The following SHISA9 variants were observed in gnomAD, a reference collection of about 807,000 sequenced individuals.
The protein encoded by SHISA9 is protein shisa-9.
A neutral mutation model predicts 38.0 loss-of-function variants in SHISA9; 13 were observed. The ratio of observed to expected loss-of-function variants is 0.34; its 90% CI spans 0.22 to 0.54. The LOEUF (loss-of-function observed/expected upper bound fraction) is 0.54. SHISA9 is among the 20% of genes least tolerant of loss of function. The pLI is 0.91. For synonymous variants in SHISA9, 275 were observed against 242.0 expected, an observed-to-expected ratio of 1.14 and a Z score of -1.27; for missense variants, 538 against 575.8, an observed-to-expected ratio of 0.93 and a Z score of 0.67.
the SHISA9 span, among the ~76,000 whole-genome samples, chr16:13,434,050 A>G: frequency 2.0e-5 from 3 of 152,218 alleles, no homozygotes; most frequent in African/African-American, 4.8e-5. Context: ...AAACCTCAAA[A>G]GTAGGGAAGC....
the SHISA9 span, among the ~76,000 whole-genome samples, chr16:13,539,320 AGACAG>A: frequency 0.03 from 843 of 27,968 alleles, 78 homozygotes; most frequent in East Asian, 0.057. Flanking sequence ...ATATATATAA[AGACAG>A]GATCTTTATA....
At chr16:13,380,523 T>A in the SHISA9 span, among the ~76,000 whole-genome samples, 1 of 152,210 alleles carries the variant, frequency 6.6e-6, no homozygotes, top group Admixed American at 6.5e-5. Context: ...TCTATCCTCA[T>A]TCAAACTATC....
chr16:13,246,735 C>G, the SHISA9 span, among the ~76,000 whole-genome samples: 4 of 151,520 alleles, frequency 2.6e-5, no homozygotes, highest in Admixed American at 2.0e-4. Context: ...TAGGAATAAT[C>G]TTCTATTATT....
At chr16:13,363,703 T>G in the SHISA9 span, among the ~76,000 whole-genome samples, 1 of 152,208 alleles carries the variant, frequency 6.6e-6, no homozygotes, top group African/African-American at 2.4e-5. Flanking sequence ...CTTTTCTGTA[T>G]CATCTGTGCT....
At chr16:12,992,244 C>G (rs1195097365) in intron 2 of SHISA9, among the ~76,000 whole-genome samples, 1 of 151,590 alleles carries the variant, frequency 6.6e-6, no homozygotes, top group Non-Finnish European at 1.5e-5. Context: ...TGCCTCAGGG[C>G]TGGGTGTGAT....
intron 2 of SHISA9, among the ~76,000 whole-genome samples, chr16:13,147,791 G>T (rs1480470835): frequency 6.6e-6 from 1 of 152,150 alleles, no homozygotes; most frequent in African/African-American, 2.4e-5. Context: ...GGCTGTTTCT[G>T]CTCATGATAG....
chr16:12,972,158 A>G lies in SHISA9; in HGVS notation c.691+55343A>G, dbSNP rs770168827. ...TAAAGGTAAATAAAAATAAATTATG[A>G]TCATTTCCAATGGTTGTAAGCACTC... On this transcript the variant is annotated intron_variant, in intron 2 of 4. Coordinates refer to ENST00000558583, the MANE Select transcript of SHISA9 (RefSeq NM_001145204.3). 4.6e-5 allele frequency among the ~76,000 whole-genome samples: 7 copies of G among 152,194 alleles called. 1 individual carries two copies. The highest frequency in any genetic ancestry group is 9.6e-5 in the African/African-American group (4 of 41,524).
intron 2 of SHISA9, among the ~76,000 whole-genome samples, chr16:13,168,920 C>T (rs1232758285): frequency 6.6e-6 from 1 of 152,248 alleles, no homozygotes; most frequent in African/African-American, 2.4e-5. Context: ...ATGACGCATG[C>T]ATCGTGCCTG....
intron 3 of SHISA9, among the ~76,000 whole-genome samples, chr16:13,206,710 C>G (rs543379013): frequency 7.9e-5 from 12 of 152,324 alleles, no homozygotes; most frequent in Admixed American, 5.2e-4. Flanking sequence ...AAATCTGAAG[C>G]CTTGTAAGAC....
At chr16:13,361,722 G>A in the SHISA9 span, among the ~76,000 whole-genome samples, 1 of 152,106 alleles carries the variant, frequency 6.6e-6, no homozygotes, top group South Asian at 2.1e-4. Flanking sequence ...CCTGATGGTT[G>A]TTCCTTCCCA....
the SHISA9 span, among the ~76,000 whole-genome samples, chr16:13,370,823 G>T: frequency 2.0e-5 from 3 of 152,126 alleles, no homozygotes; most frequent in Non-Finnish European, 4.4e-5. Context: ...TGAAAGAGAG[G>T]CTGGGAATGG....
the SHISA9 span, among the ~76,000 whole-genome samples, chr16:13,534,279 C>A: frequency 4.8e-5 from 7 of 146,572 alleles, no homozygotes; most frequent in African/African-American, 7.7e-5. Context: ...AGCTGGAGTG[C>A]AGTGGTGCGA....
At chr16:13,229,493 A>G (rs2051310865) in intron 4 of SHISA9, among the ~76,000 whole-genome samples, 1 of 152,210 alleles carries the variant, frequency 6.6e-6, no homozygotes, top group South Asian at 2.1e-4. Flanking sequence ...GACAGAGGCT[A>G]TCCCTGTGGT....
chr16:13,224,844 G>C (rs951126582), intron 4 of SHISA9, among the ~76,000 whole-genome samples: 1 of 152,148 alleles, frequency 6.6e-6, no homozygotes, highest in African/African-American at 2.4e-5. Context: ...TTTAGGCAGA[G>C]GAAACAGCAG....
At chr16:13,305,785 C>A in the SHISA9 span, among the ~76,000 whole-genome samples, 2 of 152,202 alleles carry the variant, frequency 1.3e-5, no homozygotes, top group Non-Finnish European at 2.9e-5. Context: ...AATGCAGGGA[C>A]TTTAGAGCAA....
Position 12,993,564 on chromosome 16 carries a change from A to C in SHISA9, c.691+76749A>C, listed in dbSNP as rs1456592956. Among the ~76,000 whole-genome samples the C allele has an allele frequency of 2.0e-5, 3 of 152,184 alleles. No homozygotes were observed. The East Asian group carries it at 5.8e-4, about 29-fold the overall frequency. On this transcript the variant is annotated intron_variant, in intron 2 of 4. Coordinates refer to ENST00000558583, the MANE Select transcript of SHISA9 (RefSeq NM_001145204.3). ...TAGCTTGGCATTTGTTCAACAACCA[A>C]TTACTGAGCATCTACCATGGGCACT...
At chr16:13,501,866 G>A in the SHISA9 span, among the ~76,000 whole-genome samples, 1 of 152,146 alleles carries the variant, frequency 6.6e-6, no homozygotes, top group Non-Finnish European at 1.5e-5. Context: ...GCTGGGCATG[G>A]TGGCACATGC....
At chr16:13,424,647 T>C in the SHISA9 span, among the ~76,000 whole-genome samples, 1 of 152,236 alleles carries the variant, frequency 6.6e-6, no homozygotes. Flanking sequence ...CAGAAAACTT[T>C]TATAAATATG....
chr16:13,462,732 C>CG, the SHISA9 span, among the ~76,000 whole-genome samples: 25 of 151,936 alleles, frequency 1.6e-4, no homozygotes, highest in South Asian at 5.0e-3. Flanking sequence ...GAGGCCGAGG[C>CG]GGGGGGATCA....
Sources: allele counts gnomAD v4.1 joint callset (sites outside exome capture counted in the v4.1 genomes callset), GRCh38; gene constraint gnomAD v4.1.1; transcripts MANE v1.5; gene names NCBI Gene and HGNC (gene_info 2026-07-23, HGNC 2026-07-21).